NOP14: variants seen among roughly 807,000 people sequenced by gnomAD.
The protein encoded by NOP14 is NOP14 nucleolar protein.
In NOP14, 57 loss-of-function variants were observed where a neutral mutation model predicts 101.6. That is an observed-to-expected ratio of 0.56 (90% CI 0.45 to 0.70). The LOEUF (loss-of-function observed/expected upper bound fraction) is 0.70, where lower values mean the gene tolerates loss of function less well. Among genes scored for constraint, NOP14 ranks in the 30% least tolerant of loss-of-function variants. The pLI is 0.00. For missense variants in NOP14, 1,134 were observed against 1,075.5 expected (o/e 1.05, Z -0.76); for synonymous variants, 428 against 424.0 (o/e 1.01, Z -0.12).
At chr4:2,943,789 A>G (rs2301376) in intron 13 of NOP14, among the ~76,000 whole-genome samples, 135,026 of 152,324 alleles carry the variant, frequency 0.89, 60,355 homozygotes, top group African/African-American at 0.97. Context: ...AGTATTTCTG[A>G]CACTAAGTCT....
intron 1 of NOP14, among the ~76,000 whole-genome samples, chr4:2,960,666 T>TACATTA (rs1560310276): frequency 5.1e-5 from 7 of 137,966 alleles, no homozygotes; most frequent in African/African-American, 2.0e-4. Flanking sequence ...TATATATTAT[T>TACATTA]ATATTAATAT....
rs376228192 is a variant in NOP14, at chr4:2,959,415, A to G, written c.196-1675T>C. On this transcript the variant is annotated intron_variant, in intron 1 of 17. Transcript: ENST00000416614. ...AGACCATCCTGGGTAACATGGTGAA[A>G]CCCCGTCTCTACTAAAAATACAAAA... Among the ~76,000 whole-genome samples the G allele has an allele frequency of 3.1e-3, 469 of 152,134 alleles. 3 individuals carry two copies. The highest frequency in any genetic ancestry group is 0.011 in the African/African-American group (439 of 41,508).
intron 6 of NOP14, among the ~76,000 whole-genome samples, chr4:2,951,557 C>T (rs1012310251): frequency 1.3e-5 from 2 of 152,224 alleles, no homozygotes; most frequent in African/African-American, 4.8e-5. Flanking sequence ...CTCATCACCC[C>T]CTGCACCGAG....
At position 2,957,740 on chromosome 4, in the gene NOP14, G is replaced by A. The variant is rs1715449268; in HGVS notation, c.196C>T (p.Arg66Cys). The A allele has an allele frequency of 2.5e-6, 4 of 1,612,874 alleles. No individual in the cohort carries two copies. The highest frequency in any genetic ancestry group is 1.1e-5 in the South Asian group (1 of 91,006). Reference protein sequence around the residue: ...GVSRARALRKRTQTLLKEYKE... With the variant: ...GVSRARALRKCTQTLLKEYKE... ...TACTCTTTTAGTAAAGTCTGTGTACGCTGGAAAACAGGTCAGAAACAATCT... is the reference window on the plus strand; with the variant it reads ...TACTCTTTTAGTAAAGTCTGTGTACACTGGAAAACAGGTCAGAAACAATCT... Residue 66 changes from arginine to cysteine, a missense_variant and splice_region_variant, in exon 2 of 18, where the codon CGT becomes TGT. Arg to Cys is a radical substitution (Grantham distance 180). Coordinates refer to ENST00000416614, the MANE Select transcript of NOP14 (RefSeq NM_001291978.2).
In NOP14 at chr4:2,954,406, G is replaced by GA; in HGVS notation, c.612+17dup. 6.2e-7 allele frequency: 1 copy of GA among 1,612,856 alleles called. No homozygotes were observed. The highest frequency in any genetic ancestry group is 8.5e-7 in the Non-Finnish European group (1 of 1,179,280). ...GTCTTACCGTGGAGAAGATGATCAA[G>GA]AACACTCACTAACCCACCTTCTCTT... is the stretch of plus-strand genomic sequence containing the variant. On this transcript the variant is annotated intron_variant, in intron 4 of 17. Transcript: ENST00000416614.
At position 2,948,294 on chromosome 4, in the gene NOP14, T is replaced by C. The variant is rs746549117; in HGVS notation, c.1397A>G (p.Asn466Ser). The C allele has an allele frequency of 1.2e-6, 2 of 1,603,804 alleles. No individual in the cohort carries two copies. Among genetic ancestry groups the C allele is most frequent in the Non-Finnish European group, 8.5e-7 (1 of 1,177,380 alleles). ...TCCACGTACTTCTAATTTTGCTTTG[T>C]TTCCTTCTGCGAGACTCGGGTGGTT... ...KCNHPSLAEG[N>S]KAKLEKLFGF... Residue 466 changes from asparagine (N) to serine (S), a missense_variant, in exon 9 of 18, where the codon AAC becomes AGC. Asn to Ser is a conservative substitution (Grantham distance 46). Coordinates refer to ENST00000416614, the MANE Select transcript of NOP14 (RefSeq NM_001291978.2).
Position 2,948,192 on chromosome 4 carries a change from C to T in NOP14, c.1413+86G>A, listed in dbSNP as rs531762783. The T allele has an allele frequency of 1.1e-4, 160 of 1,468,374 alleles. 1 individual carries two copies. Among genetic ancestry groups the T allele is most frequent in the African/African-American group, 1.0e-3 (69 of 68,974 alleles). 91.0% of individuals were successfully genotyped at this position (1,468,374 alleles called of 1,614,324 possible). A position where few individuals can be genotyped will look rare whatever the true frequency, so the allele number is the denominator to read the frequency against. Reference sequence around the variant, plus strand: ...CCATCTGGCCTGAGGCACACATGGCCGTTGCACAACTTCACACAATTCTGG... The same window carrying T: ...CCATCTGGCCTGAGGCACACATGGCTGTTGCACAACTTCACACAATTCTGG... On this transcript the variant is annotated intron_variant, in intron 9 of 17. Coordinates refer to ENST00000416614, the MANE Select transcript of NOP14 (RefSeq NM_001291978.2).
intron 13 of NOP14, among the ~76,000 whole-genome samples, chr4:2,943,610 C>T (rs375549489): frequency 7.2e-5 from 11 of 152,364 alleles, no homozygotes; most frequent in African/African-American, 2.2e-4. Flanking sequence ...TTAAGAGAAG[C>T]GACACAGCAG....
intron 11 of NOP14, among the ~76,000 whole-genome samples, chr4:2,945,630 G>A (rs1306081320): frequency 6.6e-6 from 1 of 152,178 alleles, no homozygotes; most frequent in Non-Finnish European, 1.5e-5. Context: ...AGTTACTAAA[G>A]CTGAAAATAC....
At chr4:2,946,163 G>A (rs1714618877) in intron 11 of NOP14, among the ~76,000 whole-genome samples, 1 of 112,138 alleles carries the variant, frequency 8.9e-6, no homozygotes, top group Non-Finnish European at 1.8e-5. Context: ...CCTCACTGCC[G>A]TGCACTCTCC....
chr4:2,939,780 T>C (rs1714003261), intron 15 of NOP14, 135 bp from the exon 16 acceptor site: 2 of 744,498 alleles, frequency 2.7e-6, no homozygotes, highest in Non-Finnish European at 4.8e-6. Flanking sequence ...GTGCCCTTGC[T>C]GTGCGCCTAC....
At chr4:2,961,166 T>C (rs56770160) in intron 1 of NOP14, among the ~76,000 whole-genome samples, 1 of 19,814 alleles carries the variant, frequency 5.0e-5, no homozygotes, top group Non-Finnish European at 7.7e-5. Context: ...TATATTAATA[T>C]GCTATTACAA....
Position 2,963,406 on chromosome 4 carries a change from C to G in NOP14, c.-87G>C. ...TAAGACACGTGCCGGGCCGCGGAAC[C>G]GCTTCCTCGTCTCGCGAGAACAGCG... On this transcript the variant is annotated 5_prime_UTR_variant, in exon 1 of 18. Transcript: ENST00000416614. 3.7e-6 allele frequency: 5 copies of G among 1,346,442 alleles called. No homozygotes were observed. Among genetic ancestry groups the G allele is most frequent in the Non-Finnish European group, 4.9e-6 (5 of 1,027,834 alleles). 83.4% of individuals were successfully genotyped at this position (1,346,442 alleles called of 1,614,324 possible). A position where few individuals can be genotyped will look rare whatever the true frequency, so the allele number is the denominator to read the frequency against.
At chr4:2,949,816 G>C in intron 8 of NOP14, 118 bp downstream of exon 8, 1 of 1,173,460 alleles carries the variant, frequency 8.5e-7, no homozygotes, top group Non-Finnish European at 1.2e-6. Flanking sequence ...GCACTCCCAA[G>C]GGCATCCTTG....
intron 9 of NOP14, 25 bp from the exon 10 acceptor site, chr4:2,947,636 A>G: frequency 6.3e-7 from 1 of 1,579,050 alleles, no homozygotes; most frequent in South Asian, 1.1e-5. Context: ...ATTGGGAAAT[A>G]AAGCTCAGTG....
intron 7 of NOP14, chr4:2,950,906 G>C (rs369344022): frequency 9.6e-5 from 47 of 491,040 alleles, no homozygotes; most frequent in East Asian, 6.3e-4. Context: ...GAGAGCGTGA[G>C]CAAGTGAGTG....
chr4:2,941,447 T>G, intron 15 of NOP14, 135 bp downstream of exon 15: 7 of 778,994 alleles, frequency 9.0e-6, no homozygotes, highest in Non-Finnish European at 1.0e-5. Context: ...TTTACTTCCC[T>G]TCATATTTGT....
At chr4:2,946,323 G>T in intron 11 of NOP14, 89 bp downstream of exon 11, 1 of 1,479,622 alleles carries the variant, frequency 6.8e-7, no homozygotes, top group East Asian at 2.3e-5. Flanking sequence ...ACAGGGTACA[G>T]CCAAGAGCAT....
intron 5 of NOP14, 119 bp downstream of exon 5, chr4:2,953,392 C>T (rs1473152075): frequency 1.9e-6 from 2 of 1,079,214 alleles, no homozygotes; most frequent in East Asian, 2.4e-5. Flanking sequence ...CAATGTTCAA[C>T]AGAAACTTGC....
Sources: allele counts gnomAD v4.1 joint callset (sites outside exome capture counted in the v4.1 genomes callset), GRCh38; gene constraint gnomAD v4.1.1; transcripts MANE v1.5; gene names NCBI Gene and HGNC (gene_info 2026-07-23, HGNC 2026-07-21).